The following CASZ1 variants were observed in gnomAD, a reference collection of about 807,000 sequenced individuals.
CASZ1 encodes the protein zinc finger protein castor homolog 1.
A neutral mutation model predicts 135.2 loss-of-function variants in CASZ1; 28 were observed. That is an observed-to-expected ratio of 0.21 (90% CI 0.15 to 0.28). The LOEUF is 0.28. Ranked by LOEUF, CASZ1 falls within the 10% of genes least tolerant of loss-of-function variation. The pLI, the probability that CASZ1 is intolerant of heterozygous loss-of-function variation, is 1.00. For synonymous variants in CASZ1, 1,068 were observed against 1,073.4 expected (o/e 0.99, Z 0.10); for missense variants, 2,161 against 2,453.3 (o/e 0.88, Z 2.52).
At chr1:10,796,361 C>T (rs1290516062) in intron 1 of CASZ1, among the ~76,000 whole-genome samples, 6 of 152,124 alleles carry the variant, frequency 3.9e-5, no homozygotes, top group Admixed American at 3.9e-4. Flanking sequence ...TCCGCACGGC[C>T]GGAGTTGGGT....
chr1:10,646,240 G>A lies in CASZ1; in HGVS notation c.3584C>T (p.Thr1195Met), dbSNP rs757103466. Residue 1195 changes from threonine to methionine, a missense_variant, in exon 17 of 21, where the codon ACG (threonine) becomes ATG (methionine). Physicochemically the swap from Thr to Met is moderately conservative, Grantham distance 81 (BLOSUM62 -1). Transcript: ENST00000377022. The surrounding 1 kb of genome is among the most constrained non-coding windows in gnomAD (Gnocchi z 6.4). ...LFGNCKYVCK[T>M]SGKAESHCLD... ...GCAGTGGGATTCGGCCTTGCCAGAC[G>A]TTTTGCAGACGTACTTGCAGTTCCC... is the stretch of plus-strand genomic sequence containing the variant. The A allele has an allele frequency of 1.1e-5, 17 of 1,614,182 alleles. No individual in the cohort carries two copies. The highest frequency in any genetic ancestry group is 1.7e-5 in the Admixed American group (1 of 60,024).
intron 13 of CASZ1, 81 bp downstream of exon 13, chr1:10,650,605 AAAAAAC>A (rs1354704479): frequency 8.7e-7 from 1 of 1,151,332 alleles, no homozygotes; most frequent in African/African-American, 1.5e-5. Flanking sequence ...GCAAAACATT[AAAAAAC>A]AAACACATCC....
At position 10,694,360 on chromosome 1, in the gene CASZ1, G is replaced by A. The variant is rs1371019817; in HGVS notation, c.-23-448C>T. On this transcript the variant is annotated intron_variant, in intron 3 of 20. Transcript: ENST00000377022. The surrounding 1 kb of genome is among the most constrained non-coding windows in gnomAD (Gnocchi z 6.6). ...TCAACTTTCATAATACTTAATTAATGCCTAATTGCAACTGATTACTCCCCG... is the reference window on the plus strand; with the variant it reads ...TCAACTTTCATAATACTTAATTAATACCTAATTGCAACTGATTACTCCCCG... 22 of 1,122,406 alleles carry A rather than the reference G, an allele frequency of 2.0e-5. No homozygotes were observed. The highest frequency in any genetic ancestry group is 2.4e-5 in the Non-Finnish European group (21 of 891,084). 69.5% of individuals were successfully genotyped at this position (1,122,406 alleles called of 1,614,324 possible). A position where few individuals can be genotyped will look rare whatever the true frequency, so the allele number is the denominator to read the frequency against.
intron 1 of CASZ1, among the ~76,000 whole-genome samples, chr1:10,785,135 T>C (rs12732494): frequency 1.5e-5 from 2 of 133,958 alleles, no homozygotes; most frequent in African/African-American, 5.7e-5. Context: ...CTTTCTTCCT[T>C]CCTTCCTCCC....
Position 10,767,136 on chromosome 1 carries a change from G to A in CASZ1, c.-233-6279C>T, listed in dbSNP as rs1055528407. Among the ~76,000 whole-genome samples the A allele has an allele frequency of 7.9e-5, 12 of 152,070 alleles. No homozygotes were observed. Among genetic ancestry groups the A allele is most frequent in the African/African-American group, 2.2e-4 (9 of 41,418 alleles). On this transcript the variant is annotated intron_variant, in intron 1 of 20. Coordinates refer to ENST00000377022, the MANE Select transcript of CASZ1 (RefSeq NM_001079843.3). The surrounding 1 kb of genome is among the most constrained non-coding windows in gnomAD (Gnocchi z 4.2). ...AGTGGGGAAAAGATGGGGCCCGGTC[G>A]TCCGCATTCCTCATGAGTTCCTGAT...
chr1:10,687,849 T>C (rs1006823979), intron 4 of CASZ1, among the ~76,000 whole-genome samples: 3 of 152,206 alleles, frequency 2.0e-5, no homozygotes, highest in African/African-American at 7.2e-5. Flanking sequence ...CCTTAGGGCT[T>C]CCCTGCCCCT....
rs1400306515 is a variant in CASZ1, at chr1:10,707,686, CCCAGTGGGGG to C, written c.-76-2152_-76-2143del. Among the ~76,000 whole-genome samples the C allele has an allele frequency of 2.0e-5, 3 of 152,068 alleles. No individual in the cohort carries two copies. The highest frequency in any genetic ancestry group is 4.4e-5 in the Non-Finnish European group (3 of 68,002). On this transcript the variant is annotated intron_variant, in intron 2 of 20. Coordinates refer to ENST00000377022, the MANE Select transcript of CASZ1 (RefSeq NM_001079843.3). The surrounding 1 kb of genome is among the most constrained non-coding windows in gnomAD (Gnocchi z 5.0). The stretch of plus-strand genomic sequence containing the variant: ...ATCTGGGACCCTGGGATACTGGGAC[CCCAGTGGGGG>C]CCTAAGAAGTAGCTGAGAGTTCATC...
rs1335427686 is a variant in CASZ1, at chr1:10,639,765, T to C, written c.4457A>G (p.Asn1486Ser). The change falls in exon 21 of 21, where the codon AAC becomes AGC. Residue 1486 changes from asparagine (N) to serine (S), a missense_variant. Transcript: ENST00000377022. This position sits in a 1 kb window ranked among gnomAD's most constrained non-coding sequence, Gnocchi z 4.0. ...GCGCTTGAAGTCGTCCAGCACCAGG[T>C]TGTCCACGCGGTCGTGGTGCTGCGC... The part of the protein sequence containing the change: ...KHAQHHDRVD[N>S]LVLDDFKRFK... 4.4e-6 allele frequency: 7 copies of C among 1,599,786 alleles called. No homozygotes were observed. Among genetic ancestry groups the C allele is most frequent in the African/African-American group, 4.0e-5 (3 of 74,762 alleles).
At chr1:10,785,803 G>T (rs191174616) in intron 1 of CASZ1, among the ~76,000 whole-genome samples, 4 of 152,336 alleles carry the variant, frequency 2.6e-5, no homozygotes, top group Admixed American at 2.6e-4. Context: ...TCCTCCTCCT[G>T]CGCCCCTGCT....
chr1:10,782,173 C>G (rs1292173187), intron 1 of CASZ1, among the ~76,000 whole-genome samples: 1 of 152,224 alleles, frequency 6.6e-6, no homozygotes, highest in Non-Finnish European at 1.5e-5. Context: ...AGGAGCACGA[C>G]TGGAGGGGTA....
rs1246953438 is a variant in CASZ1, at chr1:10,706,880, T to C, written c.-76-1336A>G. The stretch of plus-strand genomic sequence containing the variant: ...GTCTGCAGAGAGCTGGGCGGACCCC[T>C]GAGACAGGGGGCGGTAGAGAGGATG... On this transcript the variant is annotated intron_variant, in intron 2 of 20. Coordinates refer to ENST00000377022, the MANE Select transcript of CASZ1 (RefSeq NM_001079843.3). The surrounding 1 kb of genome is among the most constrained non-coding windows in gnomAD (Gnocchi z 4.3). Among the ~76,000 whole-genome samples, 1 of 141,366 alleles carries C rather than the reference T, an allele frequency of 7.1e-6. No homozygotes were observed. Among genetic ancestry groups the C allele is most frequent in the African/African-American group, 2.7e-5 (1 of 37,540 alleles). 92.7% of individuals were successfully genotyped at this position (141,366 alleles called of 152,430 possible). A position where few individuals can be genotyped will look rare whatever the true frequency, so the allele number is the denominator to read the frequency against.
intron 4 of CASZ1, among the ~76,000 whole-genome samples, chr1:10,673,612 T>C (rs1035168527): frequency 5.9e-5 from 9 of 152,192 alleles, no homozygotes; most frequent in South Asian, 2.1e-4. Context: ...TCATTACCCA[T>C]GCACGCAGTC....
chr1:10,655,995 C>A (rs1476909233), intron 8 of CASZ1, among the ~76,000 whole-genome samples, 182 bp from the exon 9 acceptor site: 1 of 152,204 alleles, frequency 6.6e-6, no homozygotes, highest in East Asian at 1.9e-4. Flanking sequence ...TTGGAGGGAA[C>A]CATCCCAAAG....
chr1:10,651,028 T>A lies in CASZ1; in HGVS notation c.2729A>T (p.Lys910Met). The A allele has an allele frequency of 6.4e-7, 1 of 1,561,668 alleles. No individual in the cohort carries two copies. The highest frequency in any genetic ancestry group is 8.6e-7 in the Non-Finnish European group (1 of 1,163,188). ...TPARFPPAQV[K>M]PEPGESTGAP... Reference sequence around the variant, plus strand: ...GCCGGTGCTCTCACCGGGTTCCGGCTTCACTTGGGCCGGGGGGAACCTGGC... The same window carrying A: ...GCCGGTGCTCTCACCGGGTTCCGGCATCACTTGGGCCGGGGGGAACCTGGC... The change falls in exon 12 of 21, where the codon AAG (lysine) becomes ATG (methionine). Residue 910 changes from lysine to methionine, a missense_variant. Physicochemically the swap from Lys to Met is moderately conservative, Grantham distance 95. Coordinates refer to ENST00000377022, the MANE Select transcript of CASZ1 (RefSeq NM_001079843.3).
rs79042852 is a variant in CASZ1 at position 10,755,966 on chromosome 1, G to A, written c.-77+4735C>T. On this transcript the variant is annotated intron_variant, in intron 2 of 20. Coordinates refer to ENST00000377022, the MANE Select transcript of CASZ1 (RefSeq NM_001079843.3). The surrounding 1 kb of genome is among the most constrained non-coding windows in gnomAD (Gnocchi z 4.3). ...CAGTCCAGTTAGGAGTGAAGGTCAC[G>A]GATCTAGTGCAGACCATAGAGGCGG... 0.015 allele frequency among the ~76,000 whole-genome samples: 2,287 copies of A among 151,928 alleles called. 56 individuals carry two copies. The highest frequency in any genetic ancestry group is 0.052 in the African/African-American group (2,173 of 41,412).
chr1:10,751,494 C>T (rs1640150141), intron 2 of CASZ1, among the ~76,000 whole-genome samples: 1 of 152,194 alleles, frequency 6.6e-6, no homozygotes, highest in Admixed American at 6.5e-5. Flanking sequence ...GGAGCACTCC[C>T]TGTTTATTAA....
In CASZ1 at chr1:10,654,162, C is replaced by T; in HGVS notation, c.1895G>A (p.Ser632Asn). ...KNKCDIEKHK[S>N]YHIKDDAYAK... ...GTAGGCATCGTCCTTGATGTGGTAG[C>T]TCTTGTGCTTCTCGATGTCACACTT... The change falls in exon 11 of 21, where the codon AGC becomes AAC. Residue 632 changes from serine (S) to asparagine (N), a missense_variant. Around this residue, in one of 7 missense-constraint regions of CASZ1, gnomAD observed 248 missense variants for 410.8 expected, o/e 0.60. Transcript: ENST00000377022. 1 of 1,614,230 alleles carries T rather than the reference C, an allele frequency of 6.2e-7. No homozygotes were observed. Among genetic ancestry groups the T allele is most frequent in the African/African-American group, 1.3e-5 (1 of 75,064 alleles).
At chr1:10,713,409 C>T (rs888417662) in intron 2 of CASZ1, among the ~76,000 whole-genome samples, 1 of 152,230 alleles carries the variant, frequency 6.6e-6, no homozygotes, top group African/African-American at 2.4e-5. Flanking sequence ...CAGCTTTGCT[C>T]TCTGCCATGA....
At chr1:10,782,792 G>A (rs918698609) in intron 1 of CASZ1, among the ~76,000 whole-genome samples, 6 of 152,162 alleles carry the variant, frequency 3.9e-5, no homozygotes, top group African/African-American at 7.2e-5. Context: ...GTCCCTGGGA[G>A]GGGGGAAGGC....
Sources: allele counts gnomAD v4.1 joint callset (sites outside exome capture counted in the v4.1 genomes callset), GRCh38; gene constraint gnomAD v4.1.1; regional missense constraint gnomAD v4.1.1; non-coding constraint Gnocchi (gnomAD v3.1); transcripts MANE v1.5; gene names NCBI Gene and HGNC (gene_info 2026-07-23, HGNC 2026-07-21).